The following DLG2 variants were observed in gnomAD, a reference collection of about 807,000 sequenced individuals.
DLG2 encodes the protein disks large homolog 2.
A neutral mutation model predicts 132.5 loss-of-function variants in DLG2; 45 were observed. The ratio of observed to expected loss-of-function variants is 0.34; its 90% CI spans 0.27 to 0.44. The LOEUF (loss-of-function observed/expected upper bound fraction) is 0.44. Among genes scored for constraint, DLG2 ranks in the 20% least tolerant of loss-of-function variants. The pLI, the probability that DLG2 is intolerant of heterozygous loss-of-function variation, is 1.00. For missense variants in DLG2, 1,045 were observed against 1,196.9 expected, an observed-to-expected ratio of 0.87 and a Z score of 1.87; for synonymous variants, 424 against 419.6, an observed-to-expected ratio of 1.01 and a Z score of -0.13.
intron 7 of DLG2, among the ~76,000 whole-genome samples, chr11:84,357,262 T>A (rs564736106): frequency 6.6e-6 from 1 of 152,096 alleles, no homozygotes; most frequent in East Asian, 1.9e-4. Context: ...AATCCACACA[T>A]CAACATGTGA....
intron 15 of DLG2, among the ~76,000 whole-genome samples, chr11:83,876,607 C>G (rs763601376): frequency 3.3e-5 from 5 of 152,040 alleles, no homozygotes; most frequent in Non-Finnish European, 7.4e-5. Flanking sequence ...TAGGAGTCCT[C>G]TAAGGTAGAT....
intron 11 of DLG2, among the ~76,000 whole-genome samples, chr11:84,048,477 T>G (rs1487389332): frequency 6.6e-6 from 1 of 151,724 alleles, no homozygotes; most frequent in East Asian, 1.9e-4. Context: ...TGTTCCAGCA[T>G]GGCCTTTCAC....
chr11:85,022,561 C>G (rs559529709), intron 6 of DLG2, among the ~76,000 whole-genome samples: 1 of 152,036 alleles, frequency 6.6e-6, no homozygotes, highest in South Asian at 2.1e-4. Flanking sequence ...GCAAGCTATA[C>G]TGTGTACTAG....
intron 19 of DLG2, among the ~76,000 whole-genome samples, chr11:83,613,307 T>C (rs964277700): frequency 6.6e-6 from 1 of 152,234 alleles, no homozygotes; most frequent in Non-Finnish European, 1.5e-5. Context: ...CATTGCTATA[T>C]ACACATGTGC....
chr11:85,592,719 G>A (rs1263848856), intron 3 of DLG2, among the ~76,000 whole-genome samples: 1 of 152,168 alleles, frequency 6.6e-6, no homozygotes, highest in East Asian at 1.9e-4. Context: ...GGAATGCCAA[G>A]GTGGGAGAAT....
chr11:84,062,110 T>C (rs545836507), intron 10 of DLG2, among the ~76,000 whole-genome samples: 9 of 152,190 alleles, frequency 5.9e-5, no homozygotes, highest in Non-Finnish European at 1.2e-4. Context: ...CAAACTCTAT[T>C]TTTTTCCTTT....
chr11:84,369,018 T>G (rs1455956644), intron 7 of DLG2, among the ~76,000 whole-genome samples: 2 of 152,164 alleles, frequency 1.3e-5, no homozygotes, highest in Non-Finnish European at 2.9e-5. Flanking sequence ...CACAATGTAA[T>G]GGCTTTGCCT....
intron 10 of DLG2, among the ~76,000 whole-genome samples, chr11:84,074,456 C>G (rs2096796830): frequency 6.6e-6 from 1 of 152,110 alleles, no homozygotes; most frequent in Non-Finnish European, 1.5e-5. Flanking sequence ...CCACTTCTAC[C>G]CAAACATGTT....
chr11:84,377,250 A>G (rs561291814), intron 7 of DLG2, among the ~76,000 whole-genome samples: 133 of 152,168 alleles, frequency 8.7e-4, no homozygotes, highest in African/African-American at 3.2e-3. Context: ...AAACAATTCT[A>G]TAAGGCAACT....
At chr11:84,483,267 T>C (rs1380286417) in intron 7 of DLG2, among the ~76,000 whole-genome samples, 1 of 151,718 alleles carries the variant, frequency 6.6e-6, no homozygotes, top group African/African-American at 2.4e-5. Flanking sequence ...ACCCCGTCTC[T>C]ACAAAAATAC....
rs116356023 is a variant in DLG2, at chr11:85,403,460, G to A, written c.41-118095C>T. Among the ~76,000 whole-genome samples the A allele has an allele frequency of 8.2e-3, 1,241 of 151,886 alleles. 15 individuals carry two copies. Among genetic ancestry groups the A allele is most frequent in the African/African-American group, 0.028 (1,169 of 41,398 alleles). ...CCTAAGTAACAAACCTGCACATTGTGCACATATACCGTAGAACTTAAAGTA... is the reference window on the plus strand; with the variant it reads ...CCTAAGTAACAAACCTGCACATTGTACACATATACCGTAGAACTTAAAGTA... On this transcript the variant is annotated intron_variant, in intron 3 of 27. Coordinates refer to ENST00000376104, the MANE Select transcript of DLG2 (RefSeq NM_001142699.3).
intron 11 of DLG2, among the ~76,000 whole-genome samples, chr11:84,001,684 A>G (rs1348412561): frequency 6.6e-6 from 1 of 152,168 alleles, no homozygotes; most frequent in Non-Finnish European, 1.5e-5. Context: ...GATAGTAGAT[A>G]TGTCAGGTCA....
At chr11:84,655,738 G>GTTTTTTTTTTTTTTTTTTTTT (rs5793131) in intron 6 of DLG2, among the ~76,000 whole-genome samples, 1 of 135,144 alleles carries the variant, frequency 7.4e-6, no homozygotes, top group Non-Finnish European at 1.6e-5. Flanking sequence ...TTTTTTGTTT[G>GTTTTTTTTTTTTTTTTTTTTT]TTTTTTTTTT....
intron 21 of DLG2, among the ~76,000 whole-genome samples, chr11:83,495,051 G>A (rs566863081): frequency 5.3e-5 from 8 of 152,178 alleles, no homozygotes; most frequent in Non-Finnish European, 1.0e-4. Flanking sequence ...CTTTCTTATA[G>A]TTTCTAAACC....
chr11:83,990,125 G>A (rs959708516), intron 11 of DLG2, among the ~76,000 whole-genome samples: 1 of 152,016 alleles, frequency 6.6e-6, no homozygotes, highest in African/African-American at 2.4e-5. Context: ...AGCTGACACA[G>A]AAAAATGTAA....
chr11:83,781,962 A>G (rs2094847158), intron 18 of DLG2, among the ~76,000 whole-genome samples: 1 of 152,186 alleles, frequency 6.6e-6, no homozygotes, highest in Non-Finnish European at 1.5e-5. Context: ...TTTATTCATC[A>G]ATGGTGTCAA....
At chr11:85,029,795 T>A (rs539931923) in intron 6 of DLG2, among the ~76,000 whole-genome samples, 61 of 152,340 alleles carry the variant, frequency 4.0e-4, no homozygotes, top group African/African-American at 1.4e-3. Context: ...AAAGTCTCCT[T>A]TACTCCTTCA....
chr11:85,052,973 G>A (rs1005661786), intron 6 of DLG2, among the ~76,000 whole-genome samples: 3 of 152,076 alleles, frequency 2.0e-5, no homozygotes, highest in African/African-American at 7.2e-5. Flanking sequence ...TACGCTACTT[G>A]CCCTATTGTT....
intron 7 of DLG2, among the ~76,000 whole-genome samples, chr11:84,300,278 T>C (rs2098137318): frequency 6.6e-6 from 1 of 152,188 alleles, no homozygotes; most frequent in Non-Finnish European, 1.5e-5. Context: ...TAGAGGCAGA[T>C]AGCCTGTCTA....
Sources: gnomAD v4.1 joint callset for allele counts (sites outside exome capture counted in the v4.1 genomes callset) on GRCh38, gnomAD v4.1.1 for gene constraint, MANE v1.5 for transcripts, NCBI Gene and HGNC (gene_info 2026-07-23, HGNC 2026-07-21) for gene names.